ADGRL4: variants seen among roughly 807,000 people sequenced by gnomAD.
The protein encoded by ADGRL4 is EGF, latrophilin and seven transmembrane domain containing 1.
ADGRL4 carries 90 observed loss-of-function variants against 74.8 expected under a neutral mutation model. The ratio of observed to expected loss-of-function variants is 1.20; its 90% confidence interval spans 1.02 to 1.43. ADGRL4 has a LOEUF of 1.43. Among genes scored for constraint, ADGRL4 ranks in the 40% most tolerant of loss-of-function variants. The probability of loss-of-function intolerance (pLI) is 0.00; values close to 1 mark genes in which losing one functional copy is unlikely to be tolerated. For missense variants in ADGRL4, 881 were observed against 814.3 expected, an observed-to-expected ratio of 1.08 and a Z score of -1.00; for synonymous variants, 311 against 279.2, an observed-to-expected ratio of 1.11 and a Z score of -1.14.
rs920007683 is a variant in ADGRL4, at chr1:78,890,934, C to T, written c.*220G>A. The T allele has an allele frequency of 1.5e-5, 8 of 528,640 alleles. No homozygotes were observed. Among genetic ancestry groups the T allele is most frequent in the African/African-American group, 7.8e-5 (4 of 51,602 alleles). 32.7% of individuals were successfully genotyped at this position (528,640 alleles called of 1,614,324 possible). On this transcript the variant is annotated 3_prime_UTR_variant, in exon 15 of 15. Transcript: ENST00000370742. ...CAAATATCTGCAATACTATTTTTGACAGAACTATTTCACATAGAAAAACAT... is the reference window on the plus strand; with the variant it reads ...CAAATATCTGCAATACTATTTTTGATAGAACTATTTCACATAGAAAAACAT...
chr1:78,992,565 T>G (rs977275396), intron 2 of ADGRL4, among the ~76,000 whole-genome samples: 5 of 152,064 alleles, frequency 3.3e-5, no homozygotes, highest in Non-Finnish European at 7.4e-5. Context: ...AACTTTTTTT[T>G]CCTCCTAATA....
At chr1:78,933,780 C>G (rs1240973228) in intron 7 of ADGRL4, among the ~76,000 whole-genome samples, 1 of 150,534 alleles carries the variant, frequency 6.6e-6, no homozygotes, top group African/African-American at 2.5e-5. Flanking sequence ...TTCTTTCACA[C>G]CAACAATAGA....
chr1:78,893,113 CAACT>C lies in ADGRL4; in HGVS notation c.1822_1825del (p.Ser608AlafsTer5), dbSNP rs1228453904. 2 of 1,573,014 alleles carry C rather than the reference CAACT, an allele frequency of 1.3e-6. No individual in the cohort carries two copies. Among genetic ancestry groups the C allele is most frequent in the Non-Finnish European group, 1.7e-6 (2 of 1,160,800 alleles). On this transcript the variant is annotated frameshift_variant, in exon 13 of 15. Transcript: ENST00000370742. LOFTEE classifies it high-confidence loss of function. ...ACGCATTTACCTTATGTTCTCAAAG[CAACT>C]AACTTCTGGTTTCAACCCTGCAGTG... is the stretch of plus-strand genomic sequence containing the variant.
At chr1:78,977,288 C>G (rs1650304491) in intron 2 of ADGRL4, among the ~76,000 whole-genome samples, 1 of 151,746 alleles carries the variant, frequency 6.6e-6, no homozygotes, top group South Asian at 2.1e-4. Context: ...GGACATCCAT[C>G]AAAAATATTA....
At position 78,937,949 on chromosome 1, in the gene ADGRL4, T is replaced by G. The variant is rs201459206; in HGVS notation, c.618A>C (p.Thr206=). ...KTVNNFVQRD[T]FVVWDKLSVN... ...CAGATAACTTGTCCCAAACTACAAA[T>G]GTATCCCTTTGAACAAAATTATTCA... Residue 206 remains threonine (T), a synonymous_variant, in exon 6 of 15, where the codon ACA becomes ACC. Transcript: ENST00000370742. 2 of 1,612,262 alleles carry G rather than the reference T, an allele frequency of 1.2e-6. No individual in the cohort carries two copies. Among genetic ancestry groups the G allele is most frequent in the Admixed American group, 3.4e-5 (2 of 59,584 alleles).
chr1:78,983,274 A>G (rs1650432090), intron 2 of ADGRL4, among the ~76,000 whole-genome samples: 1 of 151,878 alleles, frequency 6.6e-6, no homozygotes, highest in Non-Finnish European at 1.5e-5. Context: ...AATCAGCAGA[A>G]AGAACAAATA....
intron 2 of ADGRL4, among the ~76,000 whole-genome samples, chr1:78,951,934 TG>T (rs886565497): frequency 6.6e-6 from 1 of 152,206 alleles, no homozygotes; most frequent in Non-Finnish European, 1.5e-5. Flanking sequence ...GAAACATTTT[TG>T]ACCATAAACC....
At chr1:78,981,037 G>A (rs1232554006) in intron 2 of ADGRL4, among the ~76,000 whole-genome samples, 1 of 151,858 alleles carries the variant, frequency 6.6e-6, no homozygotes, top group Non-Finnish European at 1.5e-5. Context: ...TTTTGTCAAA[G>A]GTTAAACAGG....
Position 79,006,677 on chromosome 1 carries a change from G to A in ADGRL4, c.-23C>T, listed in dbSNP as rs1650969879. The A allele has an allele frequency of 2.0e-6, 3 of 1,486,050 alleles. No individual in the cohort carries two copies. Among genetic ancestry groups the A allele is most frequent in the Non-Finnish European group, 2.7e-6 (3 of 1,120,000 alleles). 92.1% of individuals were successfully genotyped at this position (1,486,050 alleles called of 1,614,324 possible). A position where few individuals can be genotyped will look rare whatever the true frequency, so the allele number is the denominator to read the frequency against. On this transcript the variant is annotated 5_prime_UTR_variant, in exon 1 of 15. Coordinates refer to ENST00000370742, the MANE Select transcript of ADGRL4 (RefSeq NM_022159.4). Reference sequence around the variant, plus strand: ...CATTGGCGGTGGCCGCAGTGGTGGCGGTGGCGGAGAGCGCGGCGGAGTGAG... The same window carrying A: ...CATTGGCGGTGGCCGCAGTGGTGGCAGTGGCGGAGAGCGCGGCGGAGTGAG...
At chr1:78,891,794 A>C in intron 13 of ADGRL4, 102 bp from the exon 14 acceptor site, 2 of 1,014,992 alleles carry the variant, frequency 2.0e-6, no homozygotes, top group East Asian at 5.3e-5. Context: ...AGTATAACCA[A>C]GAAACCTTTT....
chr1:78,925,754 C>T (rs1046287200), intron 8 of ADGRL4, among the ~76,000 whole-genome samples: 2 of 151,962 alleles, frequency 1.3e-5, no homozygotes, highest in Non-Finnish European at 2.9e-5. Context: ...TGTTTAAATA[C>T]GCGTTTTGTT....
intron 8 of ADGRL4, among the ~76,000 whole-genome samples, chr1:78,922,841 C>T (rs1361715072): frequency 1.3e-5 from 2 of 151,760 alleles, no homozygotes; most frequent in African/African-American, 2.4e-5. Context: ...AAAACATGTC[C>T]TGAGTGACAA....
At position 78,920,483 on chromosome 1, in the gene ADGRL4, TAATC is replaced by T. The variant is rs1170364085; in HGVS notation, c.1258-101_1258-98del. The stretch of plus-strand genomic sequence containing the variant: ...TGAACTTCCTTTTTTGGTGAAACAT[TAATC>T]AAAATGTTCATAAAATGTAAAAATA... On this transcript the variant is annotated intron_variant, in intron 9 of 14. Transcript: ENST00000370742. 8.4e-6 allele frequency: 6 copies of T among 710,962 alleles called. No homozygotes were observed. In the Admixed American group the frequency reaches 2.0e-4, roughly 23 times the overall value. 44.0% of individuals were successfully genotyped at this position (710,962 alleles called of 1,614,324 possible).
intron 8 of ADGRL4, among the ~76,000 whole-genome samples, chr1:78,924,628 GAA>G (rs1649075392): frequency 6.6e-6 from 1 of 152,012 alleles, no homozygotes; most frequent in South Asian, 2.1e-4. Context: ...TGAACGTTTT[GAA>G]AAGAGATTTA....
rs2035724 is a variant in ADGRL4, at chr1:78,946,143, C to T, written c.325+131G>A. ...ACTGGAGAAATAAGGACATTAATTACATTTCTGAAAGTACTTAACACGTAG... is the reference window on the plus strand; with the variant it reads ...ACTGGAGAAATAAGGACATTAATTATATTTCTGAAAGTACTTAACACGTAG... On this transcript the variant is annotated intron_variant, in intron 3 of 14. Coordinates refer to ENST00000370742, the MANE Select transcript of ADGRL4 (RefSeq NM_022159.4). The T allele has an allele frequency of 7.6e-6, 4 of 526,900 alleles. No individual in the cohort carries two copies. In the South Asian group the frequency reaches 1.7e-4, roughly 23 times the overall value. The allele number at this position is 526,900 out of a possible 1,614,324, so 32.6% of individuals were successfully genotyped here.
intron 7 of ADGRL4, among the ~76,000 whole-genome samples, chr1:78,935,200 T>C (rs1302185340): frequency 2.0e-5 from 3 of 152,180 alleles, no homozygotes; most frequent in African/African-American, 7.2e-5. Context: ...GTGGTACATA[T>C]ACACCATGAA....
intron 2 of ADGRL4, among the ~76,000 whole-genome samples, chr1:78,950,116 C>A (rs893474858): frequency 1.3e-5 from 2 of 151,970 alleles, no homozygotes; most frequent in Non-Finnish European, 2.9e-5. Flanking sequence ...TTCCTTAGGT[C>A]ATTTGCAAGA....
intron 12 of ADGRL4, among the ~76,000 whole-genome samples, chr1:78,906,781 G>A (rs1363345478): frequency 2.6e-5 from 4 of 151,730 alleles, no homozygotes; most frequent in Non-Finnish European, 4.4e-5. Context: ...TAAGTTGCTC[G>A]CTGAGAAGCT....
chr1:78,936,788 C>T (rs1649364730), intron 6 of ADGRL4, among the ~76,000 whole-genome samples: 1 of 152,034 alleles, frequency 6.6e-6, no homozygotes. Context: ...AGTGATAATT[C>T]CTTTGACCTG....
Sources: allele counts gnomAD v4.1 joint callset (sites outside exome capture counted in the v4.1 genomes callset), GRCh38; gene constraint gnomAD v4.1.1; transcripts MANE v1.5; gene names NCBI Gene and HGNC (gene_info 2026-07-23, HGNC 2026-07-21).